CTNNA3: variants seen among roughly 807,000 people sequenced by gnomAD.
The protein encoded by CTNNA3 is catenin alpha-3.
In CTNNA3, 76 loss-of-function variants were observed where a neutral mutation model predicts 95.7. That is an observed-to-expected ratio of 0.79 (90% confidence interval 0.66 to 0.96). CTNNA3 has a LOEUF of 0.96. Among genes scored for constraint, CTNNA3 ranks in the 40% least tolerant of loss-of-function variants. CTNNA3 has a pLI of 0.00. For missense variants in CTNNA3, 1,191 were observed against 1,089.8 expected (o/e 1.09, Z -1.31); for synonymous variants, 431 against 374.4 (o/e 1.15, Z -1.74).
At chr10:67,193,402 T>C (rs1863208652) in intron 6 of CTNNA3, among the ~76,000 whole-genome samples, 1 of 152,014 alleles carries the variant, frequency 6.6e-6, no homozygotes, top group Non-Finnish European at 1.5e-5. Flanking sequence ...GTTATATAGG[T>C]AAACTTGTGT....
intron 11 of CTNNA3, among the ~76,000 whole-genome samples, chr10:66,388,165 C>T (rs1033547985): frequency 2.0e-5 from 3 of 152,032 alleles, no homozygotes; most frequent in Non-Finnish European, 2.9e-5. Flanking sequence ...ACAAATGCAA[C>T]ATATATGTAT....
chr10:67,508,194 C>T (rs1471389867), intron 5 of CTNNA3, among the ~76,000 whole-genome samples: 1 of 151,980 alleles, frequency 6.6e-6, no homozygotes, highest in Non-Finnish European at 1.5e-5. Flanking sequence ...TGTATTTTAT[C>T]AGAAACAGGG....
intron 6 of CTNNA3, among the ~76,000 whole-genome samples, chr10:67,212,524 G>A (rs1864180462): frequency 6.6e-6 from 1 of 151,648 alleles, no homozygotes; most frequent in Non-Finnish European, 1.5e-5. Flanking sequence ...TATTCATTAT[G>A]GCCTCATGTC....
Position 66,890,898 on chromosome 10 carries a change from A to G in CTNNA3, c.1048-115374T>C, listed in dbSNP as rs1287186853. On this transcript the variant is annotated intron_variant, in intron 7 of 17. Coordinates refer to ENST00000433211, the MANE Select transcript of CTNNA3 (RefSeq NM_013266.4). Reference sequence around the variant, plus strand: ...AGTCAAGGTGTGAAATTCAGAGCACAGAGAGAAGGAGCAGGGGCAGGATAA... The same window carrying G: ...AGTCAAGGTGTGAAATTCAGAGCACGGAGAGAAGGAGCAGGGGCAGGATAA... 2.6e-5 allele frequency among the ~76,000 whole-genome samples: 4 copies of G among 152,282 alleles called. No individual in the cohort carries two copies. In the East Asian group the frequency reaches 7.7e-4, roughly 29 times the overall value.
chr10:66,585,147 G>T (rs1048002859), intron 10 of CTNNA3, among the ~76,000 whole-genome samples: 1 of 152,128 alleles, frequency 6.6e-6, no homozygotes, highest in Admixed American at 6.5e-5. Flanking sequence ...ATAGCCTGAT[G>T]AGTATATGCC....
chr10:66,639,990 A>G (rs1388006038), intron 9 of CTNNA3, among the ~76,000 whole-genome samples: 1 of 152,176 alleles, frequency 6.6e-6, no homozygotes, highest in Non-Finnish European at 1.5e-5. Context: ...CTGTATAGCT[A>G]CATACATGCA....
chr10:66,711,278 T>TAAAAAAAA (rs1848285559), intron 9 of CTNNA3, among the ~76,000 whole-genome samples: 1 of 117,544 alleles, frequency 8.5e-6, no homozygotes, highest in African/African-American at 3.3e-5. Context: ...AAAAAAAAAG[T>TAAAAAAAA]AAGAAACTTC....
At chr10:66,672,898 G>A (rs564403301) in intron 9 of CTNNA3, among the ~76,000 whole-genome samples, 1 of 152,062 alleles carries the variant, frequency 6.6e-6, no homozygotes, top group African/African-American at 2.4e-5. Flanking sequence ...TATATTCTGA[G>A]GGTCTCAGAA....
chr10:66,226,656 T>A (rs2089303000), intron 13 of CTNNA3, among the ~76,000 whole-genome samples: 1 of 151,956 alleles, frequency 6.6e-6, no homozygotes, highest in African/African-American at 2.4e-5. Flanking sequence ...GTATGGTCAT[T>A]TTTATAATAT....
intron 5 of CTNNA3, among the ~76,000 whole-genome samples, chr10:67,454,760 A>G (rs1847111070): frequency 6.6e-6 from 1 of 152,182 alleles, no homozygotes; most frequent in Non-Finnish European, 1.5e-5. Flanking sequence ...AAAGAAAATA[A>G]AAGGTATTAA....
intron 5 of CTNNA3, among the ~76,000 whole-genome samples, chr10:67,300,780 C>T (rs1452509983): frequency 6.6e-6 from 1 of 152,150 alleles, no homozygotes; most frequent in Non-Finnish European, 1.5e-5. Flanking sequence ...CTGGTGGGGT[C>T]TTGACCTTCT....
intron 10 of CTNNA3, among the ~76,000 whole-genome samples, chr10:66,619,568 G>A (rs1844665629): frequency 1.2e-5 from 1 of 83,592 alleles, no homozygotes; most frequent in Non-Finnish European, 2.3e-5. Context: ...GTTGTAGGGT[G>A]GGGGGAGGGG....
chr10:67,563,852 C>G (rs1477090281), intron 3 of CTNNA3, among the ~76,000 whole-genome samples: 8 of 149,904 alleles, frequency 5.3e-5, no homozygotes, highest in African/African-American at 2.0e-4. Context: ...AGACACTTCT[C>G]AAAAGAAGAC....
At chr10:66,934,943 T>C (rs1007796789) in intron 7 of CTNNA3, among the ~76,000 whole-genome samples, 1 of 152,074 alleles carries the variant, frequency 6.6e-6, no homozygotes, top group Non-Finnish European at 1.5e-5. Flanking sequence ...AGCTTATTAA[T>C]GAAGTGGGAG....
At chr10:67,410,158 T>C (rs1428671397) in intron 5 of CTNNA3, among the ~76,000 whole-genome samples, 2 of 152,126 alleles carry the variant, frequency 1.3e-5, no homozygotes, top group Non-Finnish European at 2.9e-5. Context: ...ATATACACAA[T>C]GGAATACTAT....
chr10:67,700,960 C>T (rs923809928), upstream of CTNNA3, among the ~76,000 whole-genome samples: 40 of 152,062 alleles, frequency 2.6e-4, no homozygotes, highest in African/African-American at 6.8e-4. Flanking sequence ...AGCCAAGGCT[C>T]GAGAACTACG....
chr10:67,131,581 A>G (rs1860009647), intron 7 of CTNNA3, among the ~76,000 whole-genome samples: 1 of 152,068 alleles, frequency 6.6e-6, no homozygotes, highest in Admixed American at 6.6e-5. Flanking sequence ...AAAATTACTC[A>G]TTCTTCAGTA....
At chr10:66,457,397 A>C (rs2093501592) in intron 11 of CTNNA3, among the ~76,000 whole-genome samples, 3 of 152,230 alleles carry the variant, frequency 2.0e-5, no homozygotes, top group East Asian at 1.9e-4. Context: ...ATTCATGATA[A>C]TATCAAAAGG....
At chr10:66,794,788 G>T (rs1329914490) in intron 7 of CTNNA3, among the ~76,000 whole-genome samples, 1 of 152,122 alleles carries the variant, frequency 6.6e-6, no homozygotes, top group Non-Finnish European at 1.5e-5. Flanking sequence ...CCATGTGTCT[G>T]CTTTACCAAT....
Sources: allele counts gnomAD v4.1 joint callset (sites outside exome capture counted in the v4.1 genomes callset), GRCh38; gene constraint gnomAD v4.1.1; transcripts MANE v1.5; gene names NCBI Gene and HGNC (gene_info 2026-07-23, HGNC 2026-07-21).